The following PIP5K1C variants were observed in gnomAD, a reference collection of about 807,000 sequenced individuals.
PIP5K1C encodes phosphatidylinositol 4-phosphate 5-kinase type-1 gamma.
In PIP5K1C, 45 loss-of-function variants were observed where a neutral mutation model predicts 80.1. That is an observed-to-expected ratio of 0.56 (90% CI 0.44 to 0.72). PIP5K1C has a LOEUF of 0.72. PIP5K1C is among the 30% of genes least tolerant of loss of function. The pLI is 0.00. For missense variants in PIP5K1C, 753 were observed against 954.6 expected (o/e 0.79, Z 2.78); for synonymous variants, 498 against 420.1 (o/e 1.19, Z -2.27).
rs1233987865 is a variant in PIP5K1C, at chr19:3,660,929, T to C, written c.468+37A>G. On this transcript the variant is annotated intron_variant, in intron 5 of 17. Coordinates refer to ENST00000335312, the MANE Select transcript of PIP5K1C (RefSeq NM_012398.3). ...CTCCGAGACCCTGAACATGTTCTGT[T>C]TCAAGCCTGGAAGCCCGTAACAGCA... 2.0e-6 allele frequency: 3 copies of C among 1,536,396 alleles called. No homozygotes were observed. In the Admixed American group the frequency reaches 5.0e-5, roughly 26 times the overall value.
intron 1 of PIP5K1C, among the ~76,000 whole-genome samples, chr19:3,690,867 C>G (rs2035925898): frequency 6.6e-6 from 1 of 152,212 alleles, no homozygotes; most frequent in African/African-American, 2.4e-5. Flanking sequence ...CAAGAAGGAA[C>G]TGTGCAAGGA....
chr19:3,663,550 G>A (rs75798007), intron 3 of PIP5K1C, among the ~76,000 whole-genome samples: 3,206 of 152,318 alleles, frequency 0.021, 42 homozygotes, highest in Non-Finnish European at 0.036. Context: ...GGGGGGCCAC[G>A]CACCTGGAAT....
rs1352172191 is a variant in PIP5K1C, at chr19:3,692,597, C to T, written c.94+7700G>A. ...TCCCCACCTGGCCCAGCCCCAGCTTCGCCCACCTGGGCCAGTGCAGTCCCC... is the reference window on the plus strand; with the variant it reads ...TCCCCACCTGGCCCAGCCCCAGCTTTGCCCACCTGGGCCAGTGCAGTCCCC... On this transcript the variant is annotated intron_variant, in intron 1 of 17. Coordinates refer to ENST00000335312, the MANE Select transcript of PIP5K1C (RefSeq NM_012398.3). This position sits in a 1 kb window ranked among gnomAD's most constrained non-coding sequence, Gnocchi z 5.2. Among the ~76,000 whole-genome samples the T allele has an allele frequency of 2.6e-5, 4 of 152,134 alleles. No individual in the cohort carries two copies. The highest frequency in any genetic ancestry group is 1.9e-4 in the East Asian group (1 of 5,176).
chr19:3,661,348 G>A lies in PIP5K1C; in HGVS notation c.351-265C>T, dbSNP rs532416835. Among the ~76,000 whole-genome samples the A allele has an allele frequency of 3.3e-5, 5 of 152,370 alleles. No individual in the cohort carries two copies. In the East Asian group the frequency reaches 9.7e-4, roughly 29 times the overall value. On this transcript the variant is annotated intron_variant, in intron 4 of 17. Coordinates refer to ENST00000335312, the MANE Select transcript of PIP5K1C (RefSeq NM_012398.3). The stretch of plus-strand genomic sequence containing the variant: ...CCAAGAACAGGACCATGCCGCCCCA[G>A]CCTCTTGCAGCTAGGTGTGCTCACG...
At chr19:3,695,514 G>A (rs1356840790) in intron 1 of PIP5K1C, among the ~76,000 whole-genome samples, 3 of 152,162 alleles carry the variant, frequency 2.0e-5, no homozygotes, top group African/African-American at 2.4e-5. Context: ...GCACATCCCC[G>A]GCTGGCATGC....
intron 4 of PIP5K1C, 106 bp downstream of exon 4, chr19:3,661,765 G>A: frequency 1.4e-6 from 2 of 1,389,378 alleles, no homozygotes; most frequent in Non-Finnish European, 2.0e-6. Flanking sequence ...GCGCCAGGAG[G>A]GGCCAGGTGC....
chr19:3,652,656 T>C (rs12609273), intron 7 of PIP5K1C, among the ~76,000 whole-genome samples: 126,858 of 152,260 alleles, frequency 0.83, 53,099 homozygotes, highest in East Asian at 0.93. Context: ...GAGCCGTGCA[T>C]ATCATTCTTT....
chr19:3,682,720 C>G (rs2035625053), intron 1 of PIP5K1C, among the ~76,000 whole-genome samples: 2 of 152,048 alleles, frequency 1.3e-5, no homozygotes, highest in Admixed American at 6.6e-5. Flanking sequence ...AAATAAAGAG[C>G]AGAAGCTCTC....
chr19:3,684,471 T>C (rs568870907), intron 1 of PIP5K1C, among the ~76,000 whole-genome samples: 12 of 152,324 alleles, frequency 7.9e-5, no homozygotes, highest in African/African-American at 2.9e-4. Context: ...TCCATCAGCC[T>C]CTGCTCTCTT....
chr19:3,645,222 C>G (rs2034162679), intron 11 of PIP5K1C, among the ~76,000 whole-genome samples: 1 of 152,178 alleles, frequency 6.6e-6, no homozygotes, highest in Non-Finnish European at 1.5e-5. Flanking sequence ...TCATGCCCCC[C>G]ACCAGACACT....
chr19:3,656,678 GA>G, intron 5 of PIP5K1C, 121 bp from the exon 6 acceptor site: 1 of 1,154,182 alleles, frequency 8.7e-7, no homozygotes, highest in Non-Finnish European at 1.3e-6. Context: ...TACAGATGCG[GA>G]AAGAGAGGCT....
intron 16 of PIP5K1C, chr19:3,638,069 A>C: frequency 6.9e-7 from 1 of 1,451,314 alleles, no homozygotes; most frequent in Non-Finnish European, 9.0e-7. Context: ...AACAGGCCCT[A>C]AGGCCTGGTG....
intron 6 of PIP5K1C, among the ~76,000 whole-genome samples, chr19:3,653,964 A>G (rs1360303361): frequency 6.6e-6 from 1 of 152,194 alleles, no homozygotes; most frequent in East Asian, 1.9e-4. Flanking sequence ...ACATACATGT[A>G]TGTATATGCA....
rs530861326 is a variant in PIP5K1C at position 3,636,813 on chromosome 19, C to T, written c.1920+2071G>A. On this transcript the variant is annotated intron_variant, in intron 16 of 17. Coordinates refer to ENST00000335312, the MANE Select transcript of PIP5K1C (RefSeq NM_012398.3). Reference sequence around the variant, plus strand: ...GGACACTCCTGCTTTGGGTCTGCGCCCCGTTCTGGCTGTGCGGTGCTGGGC... The same window carrying T: ...GGACACTCCTGCTTTGGGTCTGCGCTCCGTTCTGGCTGTGCGGTGCTGGGC... 20 of 987,672 alleles carry T rather than the reference C, an allele frequency of 2.0e-5. 1 individual carries two copies. Among genetic ancestry groups the T allele is most frequent in the Middle Eastern group, 1.0e-3 (2 of 1,914 alleles). The allele number at this position is 987,672 out of a possible 1,614,324, so 61.2% of individuals were successfully genotyped here. A position where few individuals can be genotyped will look rare whatever the true frequency, so the allele number is the denominator to read the frequency against.
intron 5 of PIP5K1C, among the ~76,000 whole-genome samples, chr19:3,658,262 C>A (rs1358113175): frequency 6.6e-6 from 1 of 152,244 alleles, no homozygotes; most frequent in Non-Finnish European, 1.5e-5. Context: ...CAGCTCAGAA[C>A]AGCGAGGGTC....
intron 6 of PIP5K1C, among the ~76,000 whole-genome samples, chr19:3,653,795 G>A (rs556021320): frequency 6.6e-6 from 1 of 152,358 alleles, no homozygotes; most frequent in Non-Finnish European, 1.5e-5. Context: ...ACAACTGTGA[G>A]CTCCAGGAGG....
At chr19:3,652,816 G>A (rs2034499452) in intron 7 of PIP5K1C, among the ~76,000 whole-genome samples, 1 of 152,126 alleles carries the variant, frequency 6.6e-6, no homozygotes, top group Admixed American at 6.5e-5. Flanking sequence ...ATGGCTGGCT[G>A]GGAGCTCTGG....
In PIP5K1C at chr19:3,692,741, C is replaced by T. The variant is rs2035984679; in HGVS notation, c.94+7556G>A. Among the ~76,000 whole-genome samples the T allele has an allele frequency of 6.6e-6, 1 of 152,046 alleles. No individual in the cohort carries two copies. The highest frequency in any genetic ancestry group is 1.5e-5 in the Non-Finnish European group (1 of 67,980). ...GCCCATCCCTCCTCTGCCCGCAGCCCTCCATGGCTCCCACCTCCCTTGGGG... is the reference window on the plus strand; with the variant it reads ...GCCCATCCCTCCTCTGCCCGCAGCCTTCCATGGCTCCCACCTCCCTTGGGG... On this transcript the variant is annotated intron_variant, in intron 1 of 17. Coordinates refer to ENST00000335312, the MANE Select transcript of PIP5K1C (RefSeq NM_012398.3). This position sits in a 1 kb window ranked among gnomAD's most constrained non-coding sequence, Gnocchi z 5.2.
chr19:3,645,843 G>C (rs2034190292), intron 11 of PIP5K1C, 131 bp downstream of exon 11: 5 of 776,576 alleles, frequency 6.4e-6, no homozygotes, highest in South Asian at 4.1e-5. Flanking sequence ...CCGGTCTGAG[G>C]GGGGCACAGG....
Sources: gnomAD v4.1 joint callset for allele counts (sites outside exome capture counted in the v4.1 genomes callset) on GRCh38, gnomAD v4.1.1 for gene constraint, Gnocchi (gnomAD v3.1) non-coding constraint, MANE v1.5 for transcripts, NCBI Gene and HGNC (gene_info 2026-07-23, HGNC 2026-07-21) for gene names.